The following OTUD7A variants were observed in gnomAD, a reference collection of about 807,000 sequenced individuals.
OTUD7A encodes the protein OTU deubiquitinase 7A, also known as OTU domain-containing protein 7A.
OTUD7A carries 12 observed loss-of-function variants against 65.7 expected under a neutral mutation model. The ratio of observed to expected loss-of-function variants is 0.18; its 90% CI spans 0.12 to 0.30. OTUD7A has a LOEUF of 0.30. Ranked by LOEUF, OTUD7A falls within the 10% of genes least tolerant of loss-of-function variation. The probability of loss-of-function intolerance (pLI) is 1.00; values close to 1 mark genes in which losing one functional copy is unlikely to be tolerated. For synonymous variants in OTUD7A, 641 were observed against 586.3 expected (o/e 1.09, Z -1.35); for missense variants, 1,148 against 1,304.8 (o/e 0.88, Z 1.85).
intron 5 of OTUD7A, among the ~76,000 whole-genome samples, chr15:31,535,959 T>G (rs1595592306): frequency 6.6e-6 from 1 of 152,076 alleles, no homozygotes; most frequent in Non-Finnish European, 1.5e-5. Context: ...GGATTACAGG[T>G]GTGAGCCACC....
chr15:31,808,064 A>G (rs1896316721), intron 1 of OTUD7A, among the ~76,000 whole-genome samples: 2 of 150,106 alleles, frequency 1.3e-5, no homozygotes, highest in African/African-American at 2.5e-5. Flanking sequence ...CCAAAACATA[A>G]TATTTTGTTA....
At position 31,511,067 on chromosome 15, in the gene OTUD7A, ATATATG is replaced by A. The variant is rs1356593990; in HGVS notation, c.894-7255_894-7250del. Among the ~76,000 whole-genome samples the A allele has an allele frequency of 3.9e-4, 26 of 66,466 alleles. 9 individuals are homozygous for A. Among genetic ancestry groups the A allele is most frequent in the Admixed American group, 8.5e-4 (4 of 4,686 alleles). The allele number at this position is 66,466 out of a possible 152,430, so 43.6% of individuals were successfully genotyped here. ...ATGTATATCTATATGTAACATACAT[ATATATG>A]TATATCTATATGTAACATACATATG... is the stretch of plus-strand genomic sequence containing the variant. On this transcript the variant is annotated intron_variant, in intron 8 of 12. Coordinates refer to ENST00000307050, the MANE Select transcript of OTUD7A (RefSeq NM_001382637.1).
intron 5 of OTUD7A, among the ~76,000 whole-genome samples, chr15:31,539,542 A>G (rs996072145): frequency 6.6e-6 from 1 of 152,232 alleles, no homozygotes; most frequent in African/African-American, 2.4e-5. Context: ...AAAGAGCCAT[A>G]ACAACCAAAT....
intron 5 of OTUD7A, among the ~76,000 whole-genome samples, chr15:31,542,086 ATCTC>A (rs1888003945): frequency 6.6e-6 from 1 of 152,148 alleles, no homozygotes; most frequent in Non-Finnish European, 1.5e-5. Context: ...AACAAAAACA[ATCTC>A]TCTAAGAGGA....
rs917080468 is a variant in OTUD7A, at chr15:31,595,801, G to T, written c.152-25604C>A. Among the ~76,000 whole-genome samples the T allele has an allele frequency of 2.6e-5, 4 of 152,202 alleles. No individual in the cohort carries two copies. The South Asian group carries it at 8.3e-4, about 32-fold the overall frequency. On this transcript the variant is annotated intron_variant, in intron 3 of 12. Coordinates refer to ENST00000307050, the MANE Select transcript of OTUD7A (RefSeq NM_001382637.1). ...CAGGTGTGCCAGGACCCTGTTCCAGGTGGCTGGCTGTAGCACTGAGTCCCT... is the reference window on the plus strand; with the variant it reads ...CAGGTGTGCCAGGACCCTGTTCCAGTTGGCTGGCTGTAGCACTGAGTCCCT...
chr15:31,504,284 G>C (rs2041522170), intron 8 of OTUD7A, among the ~76,000 whole-genome samples: 1 of 152,092 alleles, frequency 6.6e-6, no homozygotes, highest in Non-Finnish European at 1.5e-5. Flanking sequence ...AAGATCTGAG[G>C]AGCCTTCTAG....
chr15:31,790,852 G>A (rs925822026), intron 1 of OTUD7A, among the ~76,000 whole-genome samples: 3 of 152,312 alleles, frequency 2.0e-5, no homozygotes, highest in Middle Eastern at 3.4e-3. Context: ...GGAACTGCCT[G>A]AGAGACAGAG....
chr15:31,568,065 A>G (rs1888932469), intron 4 of OTUD7A, among the ~76,000 whole-genome samples: 1 of 152,250 alleles, frequency 6.6e-6, no homozygotes, highest in Non-Finnish European at 1.5e-5. Flanking sequence ...GGCCCCACAC[A>G]GAGTCCTCAT....
chr15:31,848,461 C>A (rs1042377353), intron 1 of OTUD7A, among the ~76,000 whole-genome samples: 10 of 151,380 alleles, frequency 6.6e-5, no homozygotes, highest in African/African-American at 1.5e-4. Flanking sequence ...TAAAAAAAAA[C>A]AGTTTTCTCT....
chr15:31,637,590 T>C (rs1891381110), intron 3 of OTUD7A, among the ~76,000 whole-genome samples: 1 of 152,232 alleles, frequency 6.6e-6, no homozygotes, highest in Non-Finnish European at 1.5e-5. Flanking sequence ...ATAACTGCCA[T>C]AGATAGTGAT....
chr15:31,600,597 T>A lies in OTUD7A; in HGVS notation c.152-30400A>T, dbSNP rs185588175. Among the ~76,000 whole-genome samples, 38 of 152,246 alleles carry A rather than the reference T, an allele frequency of 2.5e-4. 2 individuals carry two copies. In the East Asian group the frequency reaches 3.5e-3, roughly 14 times the overall value. ...CTAGCATCATAATGACAGGATCAAA[T>A]TCACACATAACAATATGAACTTTAA... On this transcript the variant is annotated intron_variant, in intron 3 of 12. Transcript: ENST00000307050.
In OTUD7A at chr15:31,687,648, C is replaced by T. The variant is rs143382086; in HGVS notation, c.-99-30571G>A. On this transcript the variant is annotated intron_variant, in intron 1 of 12. Coordinates refer to ENST00000307050, the MANE Select transcript of OTUD7A (RefSeq NM_001382637.1). ...CAGAGACAAGATGCATACCTAGATG[C>T]CTATCTGAATGGTCTAACTTCAGAG... Among the ~76,000 whole-genome samples the T allele has an allele frequency of 6.6e-3, 1,006 of 152,248 alleles. 5 individuals are homozygous for T. Among genetic ancestry groups the T allele is most frequent in the Admixed American group, 9.9e-3 (151 of 15,294 alleles).
intron 1 of OTUD7A, among the ~76,000 whole-genome samples, chr15:31,676,529 A>G (rs1376873755): frequency 6.6e-6 from 1 of 152,256 alleles, no homozygotes; most frequent in Non-Finnish European, 1.5e-5. Context: ...AGAGGTATGC[A>G]TAGAATCCTT....
Position 31,780,535 on chromosome 15 carries a change from G to A in OTUD7A, c.-100+89972C>T, listed in dbSNP as rs555348077. Among the ~76,000 whole-genome samples, 8 of 152,308 alleles carry A rather than the reference G, an allele frequency of 5.3e-5. No homozygotes were observed. The South Asian group carries it at 6.2e-4, about 12-fold the overall frequency. On this transcript the variant is annotated intron_variant, in intron 1 of 12. Coordinates refer to ENST00000307050, the MANE Select transcript of OTUD7A (RefSeq NM_001382637.1). Reference sequence around the variant, plus strand: ...ACCTGACTCCAGATCTGTGGGCTCCGCAGCCCCAGCACTCAGTGGTTCTTG... The same window carrying A: ...ACCTGACTCCAGATCTGTGGGCTCCACAGCCCCAGCACTCAGTGGTTCTTG...
chr15:31,530,699 G>A lies in OTUD7A; in HGVS notation c.652+8C>T, dbSNP rs750238783. 35 of 1,613,120 alleles carry A rather than the reference G, an allele frequency of 2.2e-5. No homozygotes were observed. Among genetic ancestry groups the A allele is most frequent in the Non-Finnish European group, 2.7e-5 (32 of 1,179,378 alleles). ...CTGGCCACCCTCTGTCTGTGCTGTG[G>A]AGCTTACCCAGTGAAGCAGCATGTA... is the stretch of plus-strand genomic sequence containing the variant. On this transcript the variant is annotated splice_region_variant and intron_variant, in intron 6 of 12. Coordinates refer to ENST00000307050, the MANE Select transcript of OTUD7A (RefSeq NM_001382637.1).
chr15:31,507,654 CT>C (rs2041601528), intron 8 of OTUD7A, among the ~76,000 whole-genome samples: 1 of 151,268 alleles, frequency 6.6e-6, no homozygotes, highest in Non-Finnish European at 1.5e-5. Flanking sequence ...GGGTGGCAAG[CT>C]TTTATTCCCT....
intron 1 of OTUD7A, chr15:31,767,479 C>T (rs1895121173): frequency 2.6e-6 from 2 of 772,484 alleles, no homozygotes; most frequent in Non-Finnish European, 4.8e-6. Flanking sequence ...GCAGATAATA[C>T]CCAGTGAGGG....
intron 1 of OTUD7A, among the ~76,000 whole-genome samples, chr15:31,758,837 CA>C (rs200526564): frequency 3.3e-5 from 5 of 151,842 alleles, no homozygotes; most frequent in Non-Finnish European, 7.4e-5. Context: ...ATTTACCATA[CA>C]AAAAAAACTG....
intron 3 of OTUD7A, among the ~76,000 whole-genome samples, chr15:31,594,050 T>C (rs1889832855): frequency 6.6e-6 from 1 of 152,224 alleles, no homozygotes; most frequent in African/African-American, 2.4e-5. Flanking sequence ...TCTCCTGGCC[T>C]TTAACCTTAA....
Sources: allele counts gnomAD v4.1 joint callset (sites outside exome capture counted in the v4.1 genomes callset), GRCh38; gene constraint gnomAD v4.1.1; transcripts MANE v1.5; gene names NCBI Gene and HGNC (gene_info 2026-07-23, HGNC 2026-07-21).